SAFB2: variants seen among roughly 807,000 people sequenced by gnomAD.
The protein encoded by SAFB2 is scaffold attachment factor B2.
A neutral mutation model predicts 100.6 loss-of-function variants in SAFB2; 32 were observed. The ratio of observed to expected loss-of-function variants is 0.32; its 90% CI spans 0.24 to 0.43. The LOEUF (loss-of-function observed/expected upper bound fraction) is 0.43. Among genes scored for constraint, SAFB2 ranks in the 20% least tolerant of loss-of-function variants. The pLI is 1.00. For missense variants in SAFB2, 1,185 were observed against 1,163.4 expected (o/e 1.02, Z -0.27); for synonymous variants, 500 against 439.4 (o/e 1.14, Z -1.72).
At chr19:5,597,152 G>A (rs933616866) in intron 13 of SAFB2, among the ~76,000 whole-genome samples, 3 of 152,176 alleles carry the variant, frequency 2.0e-5, no homozygotes, top group East Asian at 1.9e-4. Context: ...GTGTCAGCAC[G>A]GGACTCCTGG....
chr19:5,593,546 T>A (rs1378728111), intron 15 of SAFB2: 2 of 243,368 alleles, frequency 8.2e-6, no homozygotes, highest in African/African-American at 4.5e-5. Flanking sequence ...GGTGGCCAAC[T>A]TGGGCCTAAC....
intron 7 of SAFB2, 88 bp from the exon 8 acceptor site, chr19:5,610,776 C>T: frequency 1.0e-6 from 1 of 955,468 alleles, no homozygotes; most frequent in Non-Finnish European, 1.6e-6. Context: ...AACTGAATAC[C>T]TACCAGAAAA....
intron 8 of SAFB2, chr19:5,610,314 G>A (rs1599265867): frequency 1.7e-6 from 1 of 594,430 alleles, no homozygotes. Flanking sequence ...GCCCATGTCA[G>A]TTATGAACTG....
chr19:5,594,307 T>C, intron 14 of SAFB2, 129 bp from the exon 15 acceptor site: 2 of 1,187,540 alleles, frequency 1.7e-6, no homozygotes, highest in Non-Finnish European at 2.3e-6. Context: ...CGGGCTTCCC[T>C]AAAGCTGCGC....
chr19:5,591,613 C>G, intron 17 of SAFB2, 135 bp downstream of exon 17: 1 of 751,538 alleles, frequency 1.3e-6, no homozygotes, highest in South Asian at 1.6e-5. Context: ...CCAGAACCCA[C>G]ACTTGCATAC....
chr19:5,619,845 CA>C (rs1275954240), intron 2 of SAFB2, among the ~76,000 whole-genome samples: 4,770 of 103,500 alleles, frequency 0.046, 224 homozygotes, highest in African/African-American at 0.14. Flanking sequence ...AACTCCATCG[CA>C]AAAAAAAAAA....
At position 5,587,798 on chromosome 19, in the gene SAFB2, C is replaced by A. The variant is rs201982406; in HGVS notation, c.2639-31G>T. 1.3e-6 allele frequency: 2 copies of A among 1,556,592 alleles called. No individual in the cohort carries two copies. Among genetic ancestry groups the A allele is most frequent in the East Asian group, 2.4e-5 (1 of 41,500 alleles). On this transcript the variant is annotated intron_variant, in intron 19 of 20. Coordinates refer to ENST00000252542, the MANE Select transcript of SAFB2 (RefSeq NM_014649.3). This position sits in a 1 kb window ranked among gnomAD's most constrained non-coding sequence, Gnocchi z 4.9. ...AGAGAAGAAGGGTCTGCAAACACTCCGTTCCTGGGGAAGCCCCTGGACACA... is the reference window on the plus strand; with the variant it reads ...AGAGAAGAAGGGTCTGCAAACACTCAGTTCCTGGGGAAGCCCCTGGACACA...
Position 5,587,163 on chromosome 19 carries a change from G to A in SAFB2, c.*80C>T. On this transcript the variant is annotated 3_prime_UTR_variant, in exon 21 of 21. Transcript: ENST00000252542. This position sits in a 1 kb window ranked among gnomAD's most constrained non-coding sequence, Gnocchi z 4.9. ...GCAGGATTTACTTTGCTTTTAAAAA[G>A]ATCCCCCAAGTTCGAGGGAACCCTG... The A allele has an allele frequency of 1.3e-6, 2 of 1,563,992 alleles. No homozygotes were observed. Among genetic ancestry groups the A allele is most frequent in the Non-Finnish European group, 1.7e-6 (2 of 1,148,346 alleles).
chr19:5,590,428 C>A lies in SAFB2; in HGVS notation c.2395-20G>T, dbSNP rs1351417093. ...ATAGTGCTGGAAGGCAGGAGAGGAA[C>A]AGGGTGACACTGACCATGTCACCCA... On this transcript the variant is annotated intron_variant, in intron 17 of 20. Coordinates refer to ENST00000252542, the MANE Select transcript of SAFB2 (RefSeq NM_014649.3). 1.3e-6 allele frequency: 2 copies of A among 1,587,896 alleles called. No homozygotes were observed. Among genetic ancestry groups the A allele is most frequent in the African/African-American group, 1.3e-5 (1 of 74,328 alleles).
At chr19:5,595,616 G>A (rs2052520542) in intron 13 of SAFB2, 119 bp from the exon 14 acceptor site, 3 of 1,279,416 alleles carry the variant, frequency 2.3e-6, no homozygotes, top group Admixed American at 2.3e-5. Flanking sequence ...TAGATGGAAG[G>A]CTGTGGTCTC....
intron 2 of SAFB2, among the ~76,000 whole-genome samples, chr19:5,618,279 C>T (rs1422237978): frequency 6.6e-6 from 1 of 152,116 alleles, no homozygotes; most frequent in Admixed American, 6.5e-5. Flanking sequence ...GGAGAATGGC[C>T]TGAAGCCGGG....
intron 11 of SAFB2, among the ~76,000 whole-genome samples, chr19:5,602,922 C>G (rs2052696561): frequency 6.7e-6 from 1 of 148,424 alleles, no homozygotes; most frequent in African/African-American, 2.5e-5. Context: ...CCCCCACCCC[C>G]CTCCTCCAAG....
intron 11 of SAFB2, among the ~76,000 whole-genome samples, chr19:5,600,627 T>C (rs964056611): frequency 3.9e-5 from 6 of 152,194 alleles, no homozygotes; most frequent in Non-Finnish European, 8.8e-5. Flanking sequence ...GTGTGGAACA[T>C]TGTTTATAAG....
Position 5,587,652 on chromosome 19 carries a change from A to G in SAFB2, c.2705+49T>C. The G allele has an allele frequency of 6.6e-6, 10 of 1,504,364 alleles. No homozygotes were observed. Among genetic ancestry groups the G allele is most frequent in the Non-Finnish European group, 8.9e-6 (10 of 1,121,888 alleles). The allele number at this position is 1,504,364 out of a possible 1,614,324, so 93.2% of individuals were successfully genotyped here. A position where few individuals can be genotyped will look rare whatever the true frequency, so the allele number is the denominator to read the frequency against. On this transcript the variant is annotated intron_variant, in intron 20 of 20. Coordinates refer to ENST00000252542, the MANE Select transcript of SAFB2 (RefSeq NM_014649.3). This position sits in a 1 kb window ranked among gnomAD's most constrained non-coding sequence, Gnocchi z 4.9. Reference sequence around the variant, plus strand: ...TCAAACATGCAAAAAAGGGAGAGGAAGTGAGGAGCAGGAGTGAACCACCGT... The same window carrying G: ...TCAAACATGCAAAAAAGGGAGAGGAGGTGAGGAGCAGGAGTGAACCACCGT...
chr19:5,616,632 CA>C, intron 2 of SAFB2, 146 bp from the exon 3 acceptor site: 4 of 391,276 alleles, frequency 1.0e-5, no homozygotes, highest in South Asian at 2.7e-5. Context: ...AATTTTGTCT[CA>C]ATTTGTTTTC....
At chr19:5,614,433 TGACCTGG>T (rs1414893716) in intron 4 of SAFB2, among the ~76,000 whole-genome samples, 1 of 152,248 alleles carries the variant, frequency 6.6e-6, no homozygotes, top group Non-Finnish European at 1.5e-5. Flanking sequence ...TTTGAACTCA[TGACCTGG>T]GATGCCTCCA....
intron 16 of SAFB2, 139 bp from the exon 17 acceptor site, chr19:5,591,932 G>C (rs2052416446): frequency 2.5e-6 from 2 of 799,788 alleles, no homozygotes; most frequent in Non-Finnish European, 4.1e-6. Context: ...AAAGGAAAAA[G>C]CTAGCTCAAA....
rs1265432933 is a variant in SAFB2, at chr19:5,621,366, C to G, written c.217G>C (p.Glu73Gln). Residue 73 changes from glutamate (E) to glutamine (Q), a missense_variant, in exon 2 of 21, where the codon GAA (glutamate) becomes CAA (glutamine). Coordinates refer to ENST00000252542, the MANE Select transcript of SAFB2 (RefSeq NM_014649.3). The stretch of plus-strand genomic sequence containing the variant: ...GTGGCTTCTAACTCGATGCCAATTT[C>G]ATCAGGATCTTGCCCCTCTTCTTTA... ...AVKEEGQDPD[E>Q]IGIELEATSK... 3 of 1,613,778 alleles carry G rather than the reference C, an allele frequency of 1.9e-6. No individual in the cohort carries two copies. Among genetic ancestry groups the G allele is most frequent in the Non-Finnish European group, 2.5e-6 (3 of 1,179,648 alleles).
intron 13 of SAFB2, among the ~76,000 whole-genome samples, chr19:5,598,310 G>A (rs899944285): frequency 3.3e-5 from 5 of 152,124 alleles, no homozygotes; most frequent in Admixed American, 2.0e-4. Context: ...CAAATGAGAC[G>A]CTATTTCGTC....
Sources: gnomAD v4.1 joint callset for allele counts (sites outside exome capture counted in the v4.1 genomes callset) on GRCh38, gnomAD v4.1.1 for gene constraint, Gnocchi (gnomAD v3.1) non-coding constraint, MANE v1.5 for transcripts, NCBI Gene and HGNC (gene_info 2026-07-23, HGNC 2026-07-21) for gene names.